The following GALNT13 variants were observed in gnomAD, a reference collection of about 807,000 sequenced individuals.
GALNT13 encodes polypeptide N-acetylgalactosaminyltransferase 13, also known as UDP-GalNAc:polypeptide N-acetylgalactosaminyltransferase 13.
In GALNT13, 28 loss-of-function variants were observed where a neutral mutation model predicts 64.2. The ratio of observed to expected loss-of-function variants is 0.44; its 90% CI spans 0.32 to 0.60. The LOEUF (loss-of-function observed/expected upper bound fraction) is 0.60. Among genes scored for constraint, GALNT13 ranks in the 20% least tolerant of loss-of-function variants. The pLI is 0.05. For synonymous variants in GALNT13, 214 were observed against 224.6 expected (o/e 0.95, Z 0.42); for missense variants, 577 against 669.8 (o/e 0.86, Z 1.53).
chr2:153,912,353 C>A (rs557287648), intron 2 of GALNT13, among the ~76,000 whole-genome samples: 1 of 152,180 alleles, frequency 6.6e-6, no homozygotes, highest in African/African-American at 2.4e-5. Context: ...TCAGTGTTTT[C>A]ATGAATCTTG....
chr2:153,310,963 A>C, the GALNT13 span, among the ~76,000 whole-genome samples: 1 of 152,212 alleles, frequency 6.6e-6, no homozygotes, highest in East Asian at 1.9e-4. Flanking sequence ...TTGGCAGAAG[A>C]GTGCTGGAAG....
chr2:153,183,324 T>C, the GALNT13 span, among the ~76,000 whole-genome samples: 1 of 152,168 alleles, frequency 6.6e-6, no homozygotes, highest in Non-Finnish European at 1.5e-5. Flanking sequence ...TTTAATGGGT[T>C]TTTTTTCTCA....
At chr2:153,686,123 C>G in the GALNT13 span, among the ~76,000 whole-genome samples, 1 of 151,780 alleles carries the variant, frequency 6.6e-6, no homozygotes, top group Non-Finnish European at 1.5e-5. Flanking sequence ...CTTGGCTGTT[C>G]GGGCTCTTTT....
intron 4 of GALNT13, among the ~76,000 whole-genome samples, chr2:154,184,260 T>C (rs188625966): frequency 3.3e-5 from 5 of 152,182 alleles, no homozygotes; most frequent in Admixed American, 3.3e-4. Flanking sequence ...ACTCATAGAA[T>C]ATGCTGTTTT....
At chr2:153,136,100 C>A in the GALNT13 span, among the ~76,000 whole-genome samples, 1 of 152,044 alleles carries the variant, frequency 6.6e-6, no homozygotes, top group East Asian at 1.9e-4. Flanking sequence ...TGATAGGGAG[C>A]AGTTGCAGAA....
the GALNT13 span, among the ~76,000 whole-genome samples, chr2:153,495,017 G>C: frequency 3.9e-5 from 6 of 152,114 alleles, no homozygotes; most frequent in Non-Finnish European, 8.8e-5. Context: ...ATCAGAATGA[G>C]ATAATACTAC....
At chr2:153,760,084 C>G in the GALNT13 span, among the ~76,000 whole-genome samples, 1 of 151,964 alleles carries the variant, frequency 6.6e-6, no homozygotes, top group Non-Finnish European at 1.5e-5. Flanking sequence ...TACAATTATT[C>G]AAAGTAATCT....
chr2:154,299,621 AT>A (rs11319036), intron 8 of GALNT13, among the ~76,000 whole-genome samples: 109,411 of 143,898 alleles, frequency 0.76, 41,480 homozygotes, highest in East Asian at 0.84. Flanking sequence ...TGCCTGGCTA[AT>A]TTTTTTTTTT....
intron 4 of GALNT13, among the ~76,000 whole-genome samples, chr2:154,209,300 A>C (rs767566272): frequency 1.3e-5 from 2 of 152,192 alleles, no homozygotes; most frequent in Admixed American, 6.5e-5. Context: ...TTTTTAGGTC[A>C]CAAATCTCAG....
chr2:154,172,150 A>G lies in GALNT13; in HGVS notation c.311+31645A>G, dbSNP rs1685389779. On this transcript the variant is annotated intron_variant, in intron 4 of 12. Transcript: ENST00000392825. ...TTTCAAATGACCATGTCTAATAAAAATATTATTTTAAAACTTATTTTTATT... is the reference window on the plus strand; with the variant it reads ...TTTCAAATGACCATGTCTAATAAAAGTATTATTTTAAAACTTATTTTTATT... Among the ~76,000 whole-genome samples, 7 of 152,110 alleles carry G rather than the reference A, an allele frequency of 4.6e-5. No homozygotes were observed. The South Asian group carries it at 1.5e-3, about 32-fold the overall frequency.
chr2:153,227,121 G>GT, the GALNT13 span, among the ~76,000 whole-genome samples: 1 of 152,212 alleles, frequency 6.6e-6, no homozygotes, highest in Non-Finnish European at 1.5e-5. Flanking sequence ...GCTAATTCAA[G>GT]TGGGGATGTT....
At chr2:153,557,505 C>T in the GALNT13 span, among the ~76,000 whole-genome samples, 1 of 152,300 alleles carries the variant, frequency 6.6e-6, no homozygotes, top group South Asian at 2.1e-4. Context: ...TACAGCTGAA[C>T]ACATCTCAAC....
the GALNT13 span, among the ~76,000 whole-genome samples, chr2:153,168,453 A>C: frequency 3.3e-5 from 5 of 152,210 alleles, no homozygotes; most frequent in Admixed American, 1.3e-4. Context: ...TGTGGTACAC[A>C]AAATTATAAT....
chr2:153,508,664 T>C, the GALNT13 span, among the ~76,000 whole-genome samples: 1 of 152,202 alleles, frequency 6.6e-6, no homozygotes, highest in Admixed American at 6.5e-5. Context: ...ATGAAGCAAG[T>C]TGACTCACGG....
chr2:153,136,126 T>C, the GALNT13 span, among the ~76,000 whole-genome samples: 1 of 152,102 alleles, frequency 6.6e-6, no homozygotes, highest in Non-Finnish European at 1.5e-5. Context: ...TATTTAACAT[T>C]TACTTTTTCA....
At chr2:153,210,486 T>G in the GALNT13 span, among the ~76,000 whole-genome samples, 1 of 152,222 alleles carries the variant, frequency 6.6e-6, no homozygotes, top group Non-Finnish European at 1.5e-5. Flanking sequence ...CGACCTTGTA[T>G]TCTTAGGATA....
At chr2:154,430,519 G>T (rs1700663642) in intron 11 of GALNT13, among the ~76,000 whole-genome samples, 1 of 152,176 alleles carries the variant, frequency 6.6e-6, no homozygotes, top group Admixed American at 6.5e-5. Context: ...AAGAAAAGTG[G>T]TTTCTTGAGA....
intron 9 of GALNT13, among the ~76,000 whole-genome samples, chr2:154,365,237 G>A (rs1423205448): frequency 1.3e-5 from 2 of 151,680 alleles, no homozygotes; most frequent in Non-Finnish European, 2.9e-5. Flanking sequence ...TTAGTCTCTG[G>A]GTTTCTAAGA....
the GALNT13 span, among the ~76,000 whole-genome samples, chr2:153,470,490 A>C: frequency 6.6e-6 from 1 of 152,050 alleles, no homozygotes; most frequent in African/African-American, 2.4e-5. Flanking sequence ...TGGGGTTATT[A>C]AGTTGATGAG....
Sources: allele counts gnomAD v4.1 joint callset (sites outside exome capture counted in the v4.1 genomes callset), GRCh38; gene constraint gnomAD v4.1.1; transcripts MANE v1.5; gene names NCBI Gene and HGNC (gene_info 2026-07-23, HGNC 2026-07-21).